The following ROBO1 variants were observed in gnomAD, a reference collection of about 807,000 sequenced individuals.
The protein encoded by ROBO1 is roundabout homolog 1.
ROBO1 carries 149 observed loss-of-function variants against 195.9 expected under a neutral mutation model. That is an observed-to-expected ratio of 0.76 (90% CI 0.67 to 0.87). The LOEUF (loss-of-function observed/expected upper bound fraction) is 0.87. Ranked by LOEUF, ROBO1 falls within the 40% of genes least tolerant of loss-of-function variation. ROBO1 has a pLI of 0.00. For synonymous variants in ROBO1, 816 were observed against 733.2 expected (o/e 1.11, Z -1.82); for missense variants, 1,933 against 2,068.3 (o/e 0.93, Z 1.27).
intron 2 of ROBO1, among the ~76,000 whole-genome samples, chr3:79,302,959 G>T (rs1258525946): frequency 3.3e-5 from 5 of 151,868 alleles, no homozygotes; most frequent in Admixed American, 3.3e-4. Flanking sequence ...AAAGAATATT[G>T]TCCTATTTTG....
intron 3 of ROBO1, among the ~76,000 whole-genome samples, chr3:79,045,732 A>G (rs1017698773): frequency 3.3e-5 from 5 of 152,110 alleles, no homozygotes; most frequent in African/African-American, 1.2e-4. Flanking sequence ...TATAAGTTCT[A>G]TCTATCCTAA....
rs182144791 is a variant in ROBO1, at chr3:79,125,510, G to T, written c.118C>A (p.His40Asn). The stretch of plus-strand genomic sequence containing the variant: ...TCAGAGGTGGGGATTGGCGTCCCGT[G>T]GTCGTTCCCCCTCTCTACATCTTCA... ...DPEDVERGNDHGTPIPTSDND... is the reference protein window; with the variant it reads ...DPEDVERGNDNGTPIPTSDND... The change falls in exon 3 of 31, where the codon CAC (histidine) becomes AAC (asparagine). Residue 40 changes from histidine (H) to asparagine (N), a missense_variant. Physicochemically the swap from His to Asn is moderately conservative, Grantham distance 68 (BLOSUM62 1). Coordinates refer to ENST00000464233, the MANE Select transcript of ROBO1 (RefSeq NM_002941.4). The T allele has an allele frequency of 6.2e-7, 1 of 1,613,614 alleles. No homozygotes were observed. The highest frequency in any genetic ancestry group is 2.2e-5 in the East Asian group (1 of 44,832).
rs115810025 is a variant in ROBO1, at chr3:79,737,463, A to T, written c.-51+30289T>A. ...ATTCATATGTTAATCAACTCAACAA[A>T]TATATTCAGAACTTTCAACATTTTA... On this transcript the variant is annotated intron_variant, in intron 1 of 30. Coordinates refer to ENST00000464233, the MANE Select transcript of ROBO1 (RefSeq NM_002941.4). Among the ~76,000 whole-genome samples the T allele has an allele frequency of 4.2e-3, 637 of 152,278 alleles. 2 individuals carry two copies. Among genetic ancestry groups the T allele is most frequent in the Non-Finnish European group, 6.8e-3 (462 of 68,008 alleles).
At chr3:79,075,700 CA>C (rs752709830) in intron 3 of ROBO1, among the ~76,000 whole-genome samples, 3 of 151,836 alleles carry the variant, frequency 2.0e-5, no homozygotes, top group Non-Finnish European at 4.4e-5. Flanking sequence ...AGCCCAAAGT[CA>C]GGTCCAGAGG....
In ROBO1 at chr3:79,699,187, T is replaced by C. The variant is rs192758568; in HGVS notation, c.-51+68565A>G. 5.7e-3 allele frequency among the ~76,000 whole-genome samples: 857 copies of C among 151,494 alleles called. 6 individuals carry two copies. Among genetic ancestry groups the C allele is most frequent in the African/African-American group, 0.018 (741 of 41,448 alleles). ...GTGAACAAATGCCACCTCTAATGGA[T>C]ATCTGTGGCTCAAATTTGAAAAGTT... On this transcript the variant is annotated intron_variant, in intron 1 of 30. Coordinates refer to ENST00000464233, the MANE Select transcript of ROBO1 (RefSeq NM_002941.4).
At chr3:79,419,230 A>G (rs1284705639) in intron 2 of ROBO1, among the ~76,000 whole-genome samples, 12 of 152,182 alleles carry the variant, frequency 7.9e-5, no homozygotes, top group Non-Finnish European at 1.5e-5. Context: ...TGGAAAGAAC[A>G]GTACAGTATC....
chr3:79,635,238 T>G (rs1426487743), intron 1 of ROBO1, among the ~76,000 whole-genome samples: 1 of 152,196 alleles, frequency 6.6e-6, no homozygotes, highest in Admixed American at 6.5e-5. Context: ...TAAAGCTATA[T>G]GCATGATGCT....
At chr3:79,238,479 A>G (rs533851783) in intron 2 of ROBO1, among the ~76,000 whole-genome samples, 7 of 152,334 alleles carry the variant, frequency 4.6e-5, no homozygotes, top group African/African-American at 1.7e-4. Flanking sequence ...CAAGGTGGAT[A>G]CAACTTTGGG....
intron 2 of ROBO1, among the ~76,000 whole-genome samples, chr3:79,150,172 A>G (rs547627011): frequency 6.6e-6 from 1 of 151,248 alleles, no homozygotes; most frequent in South Asian, 2.1e-4. Flanking sequence ...CTGCCTATGT[A>G]TGTCTCTAAT....
chr3:79,194,719 T>C (rs2081602029), intron 2 of ROBO1, among the ~76,000 whole-genome samples: 1 of 151,702 alleles, frequency 6.6e-6, no homozygotes. Context: ...ACTCTTTTAT[T>C]GTAGTAGAAT....
chr3:79,459,581 G>A (rs1479842341), intron 2 of ROBO1, among the ~76,000 whole-genome samples: 1 of 151,866 alleles, frequency 6.6e-6, no homozygotes, highest in African/African-American at 2.4e-5. Context: ...CTCTGAAAAT[G>A]TTACCATTTA....
intron 3 of ROBO1, among the ~76,000 whole-genome samples, chr3:79,052,275 T>A (rs190718561): frequency 9.2e-4 from 140 of 152,192 alleles, no homozygotes; most frequent in African/African-American, 3.2e-3. Context: ...TACGCCCTCG[T>A]CTCCTGCAGC....
rs2035383000 is a variant in ROBO1 at position 79,352,499 on chromosome 3, T to A, written c.89-226960A>T. On this transcript the variant is annotated intron_variant, in intron 2 of 30. Coordinates refer to ENST00000464233, the MANE Select transcript of ROBO1 (RefSeq NM_002941.4). ...ACGGACGTTAATCAGATTTCACAAG[T>A]TTTTGCCTGCACTCAGTTATTCTAA... 2.6e-5 allele frequency among the ~76,000 whole-genome samples: 4 copies of A among 152,216 alleles called. No individual in the cohort carries two copies. The South Asian group carries it at 8.3e-4, about 32-fold the overall frequency.
At position 79,395,510 on chromosome 3, in the gene ROBO1, T is replaced by A. The variant is rs186557138; in HGVS notation, c.88+194314A>T. ...TATATGTAGAAATTTCTGAAAAATA[T>A]TTACATGTTTTTGAAGTATAACATT... On this transcript the variant is annotated intron_variant, in intron 2 of 30. Transcript: ENST00000464233. 7.4e-3 allele frequency among the ~76,000 whole-genome samples: 1,121 copies of A among 152,058 alleles called. 17 individuals are homozygous for A. Among genetic ancestry groups the A allele is most frequent in the African/African-American group, 0.026 (1,065 of 41,510 alleles).
At chr3:78,941,894 A>G (rs1272527679) in intron 3 of ROBO1, among the ~76,000 whole-genome samples, 2 of 152,218 alleles carry the variant, frequency 1.3e-5, no homozygotes, top group African/African-American at 4.8e-5. Flanking sequence ...ATGTTAAGCA[A>G]TGGATGAGTA....
At chr3:79,631,585 T>C (rs138885716) in intron 1 of ROBO1, among the ~76,000 whole-genome samples, 843 of 152,080 alleles carry the variant, frequency 5.5e-3, no homozygotes, top group Non-Finnish European at 7.9e-3. Context: ...GGCAAAAAAT[T>C]TATGACTTGG....
chr3:79,665,477 T>C (rs1946450565), intron 1 of ROBO1, among the ~76,000 whole-genome samples: 2 of 151,894 alleles, frequency 1.3e-5, no homozygotes, highest in South Asian at 4.1e-4. Flanking sequence ...ATATTAGAAA[T>C]TGAAATATTC....
intron 3 of ROBO1, among the ~76,000 whole-genome samples, chr3:79,029,998 C>A (rs752195092): frequency 2.6e-5 from 4 of 152,108 alleles, no homozygotes; most frequent in Admixed American, 2.0e-4. Context: ...TTTGTGTTGG[C>A]AATTTTGTGT....
chr3:79,110,724 G>A (rs2079870718), intron 3 of ROBO1, among the ~76,000 whole-genome samples: 1 of 150,360 alleles, frequency 6.7e-6, no homozygotes, highest in South Asian at 2.1e-4. Context: ...CTGGACTCAA[G>A]CAATCCTCTC....
Sources: allele counts gnomAD v4.1 joint callset (sites outside exome capture counted in the v4.1 genomes callset), GRCh38; gene constraint gnomAD v4.1.1; transcripts MANE v1.5; gene names NCBI Gene and HGNC (gene_info 2026-07-23, HGNC 2026-07-21).